The following SPEG variants were observed in gnomAD, a reference collection of about 807,000 sequenced individuals.
SPEG encodes the protein striated muscle enriched protein kinase.
In SPEG, 114 loss-of-function variants were observed where a neutral mutation model predicts 300.4. The ratio of observed to expected loss-of-function variants is 0.38; its 90% CI spans 0.33 to 0.44. The LOEUF is 0.44. Among genes scored for constraint, SPEG ranks in the 20% least tolerant of loss-of-function variants. The probability of loss-of-function intolerance (pLI) is 1.00; values close to 1 mark genes in which losing one functional copy is unlikely to be tolerated. For missense variants in SPEG, 4,201 were observed against 4,586.2 expected (o/e 0.92, Z 2.43); for synonymous variants, 1,964 against 2,018.9 (o/e 0.97, Z 0.73).
chr2:219,488,777 G>T lies in SPEG; in HGVS notation c.8027-1G>T. On this transcript the variant is annotated splice_acceptor_variant, in intron 33 of 40. Transcript: ENST00000312358. LOFTEE classifies it high-confidence loss of function. ...ACTGGGACTCTTCTTTCTCTTGCCAGGAGTCCCAGGAAAGCTAGCTCCTCC... is the reference window on the plus strand; with the variant it reads ...ACTGGGACTCTTCTTTCTCTTGCCATGAGTCCCAGGAAAGCTAGCTCCTCC... 1 of 1,606,992 alleles carries T rather than the reference G, an allele frequency of 6.2e-7. No individual in the cohort carries two copies. The highest frequency in any genetic ancestry group is 2.2e-5 in the East Asian group (1 of 44,754).
chr2:219,469,989 T>A (rs1480241029), intron 13 of SPEG, among the ~76,000 whole-genome samples: 1 of 152,166 alleles, frequency 6.6e-6, no homozygotes, highest in Non-Finnish European at 1.5e-5. Flanking sequence ...TACTTTCTTA[T>A]GGGAGCATCT....
In SPEG at chr2:219,485,398, G is replaced by T; in HGVS notation, c.7662G>T (p.Lys2554Asn). The T allele has an allele frequency of 1.2e-6, 2 of 1,607,862 alleles. No individual in the cohort carries two copies. The highest frequency in any genetic ancestry group is 1.1e-5 in the South Asian group (1 of 90,468). The part of the protein sequence containing the change: ...RLRWGFSRPR[K>N]DKGLSPPNLS... ...GCTGGGGCTTCTCTCGGCCGCGGAA[G>T]GACAAGGGGTTATCGCCACCAAACC... is the stretch of plus-strand genomic sequence containing the variant. The change falls in exon 31 of 41, where the codon AAG becomes AAT. Residue 2554 changes from lysine (K) to asparagine (N), a missense_variant. Coordinates refer to ENST00000312358, the MANE Select transcript of SPEG (RefSeq NM_005876.5).
rs117941600 is a variant in SPEG at position 219,470,825 on chromosome 2, A to T, written c.3716-1043A>T. 4.3e-3 allele frequency among the ~76,000 whole-genome samples: 655 copies of T among 152,322 alleles called. 16 individuals are homozygous for T. In the East Asian group the frequency reaches 0.081, roughly 19 times the overall value. ...TCAATATCTCTGACCTCATTGGTAA[A>T]ATGGGGATAATTTTGTAGAGTTGTT... On this transcript the variant is annotated intron_variant, in intron 13 of 40. Coordinates refer to ENST00000312358, the MANE Select transcript of SPEG (RefSeq NM_005876.5).
In SPEG at chr2:219,435,649, G is replaced by A. The variant is rs745027; in HGVS notation, c.388+284G>A. On this transcript the variant is annotated intron_variant, in intron 1 of 40. Coordinates refer to ENST00000312358, the MANE Select transcript of SPEG (RefSeq NM_005876.5). ...CACTCCCACCTCTCAGGGAATTCTG[G>A]GGTGGAAGTTCTTCTCCTCCTGTGG... Among the ~76,000 whole-genome samples the A allele has an allele frequency of 0.3, 46,408 of 152,160 alleles. 8,535 individuals are homozygous for A. Among genetic ancestry groups the A allele is most frequent in the South Asian group, 0.43 (2,082 of 4,824 alleles).
Position 219,479,165 on chromosome 2 carries a change from G to A in SPEG, c.5049G>A (p.Glu1683=), listed in dbSNP as rs753826845. The A allele has an allele frequency of 1.2e-6, 2 of 1,613,708 alleles. No homozygotes were observed. The highest frequency in any genetic ancestry group is 1.7e-5 in the Admixed American group (1 of 60,028). ...VTELCTEELL[E]RIARKPTVCE... is the part of the protein sequence containing the mutation. ...GTAGCTGCACAGAGGAGCTGCTGGA[G>A]CGAATCGCCAGGAAACCCACCGTGT... The change falls in exon 23 of 41, where the codon GAG becomes GAA. Residue 1683 remains glutamate (E), a synonymous_variant. Transcript: ENST00000312358. The surrounding 1 kb of genome is among the most constrained non-coding windows in gnomAD (Gnocchi z 5.5).
intron 15 of SPEG, 105 bp downstream of exon 15, chr2:219,472,436 C>A: frequency 2.1e-6 from 2 of 971,858 alleles, no homozygotes; most frequent in African/African-American, 1.6e-5. Context: ...TGGGCAGGGG[C>A]AGGAGCTGAT....
At chr2:219,466,032 G>C (rs754964766) in intron 9 of SPEG, 1 of 1,601,504 alleles carries the variant, frequency 6.2e-7, no homozygotes, top group Non-Finnish European at 8.5e-7. Flanking sequence ...GCCGCTTGCT[G>C]ACTGAGGTTT....
intron 31 of SPEG, among the ~76,000 whole-genome samples, chr2:219,487,986 C>T (rs1363849599): frequency 6.6e-6 from 1 of 152,176 alleles, no homozygotes; most frequent in Non-Finnish European, 1.5e-5. Context: ...CAGTTCTGCA[C>T]ACAGTGAGGG....
At chr2:219,467,066 C>G in intron 9 of SPEG, 108 bp from the exon 10 acceptor site, 5 of 1,352,104 alleles carry the variant, frequency 3.7e-6, no homozygotes, top group Non-Finnish European at 5.0e-6. Flanking sequence ...GAACAAAATG[C>G]ATCTCTCTCT....
chr2:219,448,329 C>T lies in SPEG; in HGVS notation c.1171C>T (p.Pro391Ser). 1.9e-6 allele frequency: 3 copies of T among 1,602,162 alleles called. No homozygotes were observed. Among genetic ancestry groups the T allele is most frequent in the Non-Finnish European group, 2.6e-6 (3 of 1,175,372 alleles). Residue 391 changes from proline (P) to serine (S), a missense_variant, in exon 4 of 41, where the codon CCT becomes TCT. Around this residue, in one of 4 missense-constraint regions of SPEG, gnomAD observed 1,258 missense variants for 1,293.9 expected, o/e 0.97. Transcript: ENST00000312358. The stretch of plus-strand genomic sequence containing the variant: ...CCGCCTGTCGGCGTTGGGCCGATCG[C>T]CTAGGCTGGTGCGCGCCGGCTCCCG... ...SGRLSALGRS[P>S]RLVRAGSRIL...
chr2:219,483,624 C>A lies in SPEG; in HGVS notation c.6161C>A (p.Ala2054Asp). 6.6e-7 allele frequency: 1 copy of A among 1,513,752 alleles called. No individual in the cohort carries two copies. Among genetic ancestry groups the A allele is most frequent in the Admixed American group, 2.0e-5 (1 of 49,300 alleles). The allele number at this position is 1,513,752 out of a possible 1,614,324, so 93.8% of individuals were successfully genotyped here. A position where few individuals can be genotyped will look rare whatever the true frequency, so the allele number is the denominator to read the frequency against. Residue 2054 changes from alanine (A) to aspartate (D), a missense_variant, in exon 30 of 41, where the codon GCC becomes GAC. Ala to Asp is a moderately radical substitution (Grantham distance 126). This residue lies in a region of SPEG where 1,578 missense variants were observed against 1,506.0 expected (regional missense o/e 1.05). Coordinates refer to ENST00000312358, the MANE Select transcript of SPEG (RefSeq NM_005876.5). ...RSPSPGATRL[A>D]RGGLGEGEYA... ...CCCAGCCCGGGAGCCACCCGCCTGG[C>A]CCGGGGAGGCCTGGGTGAGGGCGAG...
chr2:219,492,541 G>T, intron 40 of SPEG, 53 bp from the exon 41 acceptor site: 3 of 1,572,996 alleles, frequency 1.9e-6, no homozygotes, highest in Non-Finnish European at 8.6e-7. Context: ...ACAGAGCCCC[G>T]GCAGCTCCCA....
In SPEG at chr2:219,477,342, G is replaced by C; in HGVS notation, c.4626G>C (p.Leu1542=). The C allele has an allele frequency of 1.2e-6, 2 of 1,613,668 alleles. No individual in the cohort carries two copies. Among genetic ancestry groups the C allele is most frequent in the African/African-American group, 2.7e-5 (2 of 75,016 alleles). The change falls in exon 20 of 41, where the codon CTG becomes CTC. Residue 1542 remains leucine (L), a synonymous_variant. Coordinates refer to ENST00000312358, the MANE Select transcript of SPEG (RefSeq NM_005876.5). The surrounding 1 kb of genome is among the most constrained non-coding windows in gnomAD (Gnocchi z 6.4). ...SFVYEENECS[L]VVLSTGAQDG... ...TGTACGAGGAGAATGAGTGCTCCCT[G>C]GTGGTGCTCAGCACGGGGGCCCAGG...
chr2:219,475,028 G>A (rs1053846780), intron 18 of SPEG, among the ~76,000 whole-genome samples: 6 of 152,040 alleles, frequency 3.9e-5, no homozygotes, highest in East Asian at 1.9e-4. Context: ...CAAGTAATCC[G>A]TCCACCTCGG....
At position 219,468,671 on chromosome 2, in the gene SPEG, G is replaced by A. The variant is rs922845861; in HGVS notation, c.3236G>A (p.Arg1079Gln). 1.9e-6 allele frequency: 3 copies of A among 1,614,112 alleles called. No individual in the cohort carries two copies. The highest frequency in any genetic ancestry group is 2.2e-5 in the East Asian group (1 of 44,890). ...GAAGATGTGGAGGTGTTGGAGGGCC[G>A]AGCTGCCCGTTTCGACTGCAAGATC... ...LLEDVEVLEG[R>Q]AARFDCKISG... The change falls in exon 11 of 41, where the codon CGA becomes CAA. Residue 1079 changes from arginine to glutamine, a missense_variant. Around this residue, in one of 4 missense-constraint regions of SPEG, gnomAD observed 1,047 missense variants for 1,356.8 expected, o/e 0.77. Coordinates refer to ENST00000312358, the MANE Select transcript of SPEG (RefSeq NM_005876.5).
chr2:219,434,872 GA>G lies in SPEG; in HGVS notation c.-104del. 1.4e-6 allele frequency: 1 copy of G among 735,950 alleles called. No homozygotes were observed. Among genetic ancestry groups the G allele is most frequent in the Non-Finnish European group, 2.0e-6 (1 of 488,562 alleles). 45.6% of individuals were successfully genotyped at this position (735,950 alleles called of 1,614,324 possible). A position where few individuals can be genotyped will look rare whatever the true frequency, so the allele number is the denominator to read the frequency against. On this transcript the variant is annotated 5_prime_UTR_variant, in exon 1 of 41. Transcript: ENST00000312358. Reference sequence around the variant, plus strand: ...CAGGCCGAAGGCGGGCGGGCAGCAGGAAGGCAGGCCGCCGGCCCCCCAGACT... The same window carrying G: ...CAGGCCGAAGGCGGGCGGGCAGCAGGAGGCAGGCCGCCGGCCCCCCAGACT...
In SPEG at chr2:219,443,748, GTGTGTGTGTGTGTGCA is replaced by G; in HGVS notation, c.389-892_389-877del. On this transcript the variant is annotated intron_variant, in intron 1 of 40. Transcript: ENST00000312358. The surrounding 1 kb of genome is among the most constrained non-coding windows in gnomAD (Gnocchi z 4.6). ...GGCTGGACTGGACACAAGCAGGTGT[GTGTGTGTGTGTGTGCA>G]TGTGTGTGTGTGGCCAGTGGCAGCA... is the stretch of plus-strand genomic sequence containing the variant. 2.8e-6 allele frequency: 1 copy of G among 354,334 alleles called. No individual in the cohort carries two copies. The highest frequency in any genetic ancestry group is 2.1e-5 in the South Asian group (1 of 47,786). The allele number at this position is 354,334 out of a possible 1,614,324, so 21.9% of individuals were successfully genotyped here.
At chr2:219,447,937 C>A (rs776309178) in intron 3 of SPEG, 37 bp from the exon 4 acceptor site, 6 of 1,595,768 alleles carry the variant, frequency 3.8e-6, no homozygotes, top group Non-Finnish European at 4.3e-6. Flanking sequence ...GAGGAGGCCC[C>A]CTGAATCCTC....
At position 219,444,346 on chromosome 2, in the gene SPEG, A is replaced by T. The variant is rs1000596502; in HGVS notation, c.389-307A>T. 3.9e-5 allele frequency among the ~76,000 whole-genome samples: 6 copies of T among 152,216 alleles called. No individual in the cohort carries two copies. In the East Asian group the frequency reaches 1.2e-3, roughly 29 times the overall value. On this transcript the variant is annotated intron_variant, in intron 1 of 40. Coordinates refer to ENST00000312358, the MANE Select transcript of SPEG (RefSeq NM_005876.5). This position sits in a 1 kb window ranked among gnomAD's most constrained non-coding sequence, Gnocchi z 7.8. Reference sequence around the variant, plus strand: ...TTCACTGACAAGGGGAGGAGGGAGAAGGGAGGAGGCTCTGATAATCCATTA... The same window carrying T: ...TTCACTGACAAGGGGAGGAGGGAGATGGGAGGAGGCTCTGATAATCCATTA...
Sources: gnomAD v4.1 joint callset for allele counts (sites outside exome capture counted in the v4.1 genomes callset) on GRCh38, gnomAD v4.1.1 for gene constraint, gnomAD v4.1.1 regional missense constraint, Gnocchi (gnomAD v3.1) non-coding constraint, MANE v1.5 for transcripts, NCBI Gene and HGNC (gene_info 2026-07-23, HGNC 2026-07-21) for gene names.